The following DCDC1 variants were observed in gnomAD, a reference collection of about 807,000 sequenced individuals.
DCDC1 encodes the protein doublecortin domain containing 1, also known as doublecortin domain-containing protein 1.
In DCDC1, 200 loss-of-function variants were observed where a neutral mutation model predicts 178.3. That is an observed-to-expected ratio of 1.12 (90% CI 1.00 to 1.26). DCDC1 has a LOEUF of 1.26. DCDC1 is among the 50% of genes most tolerant of loss of function. The pLI is 0.00. For missense variants in DCDC1, 1,983 were observed against 1,749.2 expected (o/e 1.13, Z -2.38); for synonymous variants, 690 against 604.8 (o/e 1.14, Z -2.07).
chr11:31,095,722 C>T (rs765973019), intron 15 of DCDC1, among the ~76,000 whole-genome samples: 2 of 152,178 alleles, frequency 1.3e-5, no homozygotes, highest in Non-Finnish European at 2.9e-5. Flanking sequence ...AGGTGTTGTG[C>T]ACCTTCTAGC....
At chr11:31,244,642 T>C (rs1453605853) in intron 8 of DCDC1, among the ~76,000 whole-genome samples, 2 of 151,900 alleles carry the variant, frequency 1.3e-5, no homozygotes, top group African/African-American at 2.4e-5. Context: ...TTCTCTTTTG[T>C]GTATTTTCAT....
At chr11:30,925,449 G>A in intron 22 of DCDC1, 41 bp from the exon 23 acceptor site, 1 of 1,546,392 alleles carries the variant, frequency 6.5e-7, no homozygotes, top group Non-Finnish European at 8.9e-7. Context: ...CATACAGAAA[G>A]CTTCCAGCAG....
chr11:31,079,616 CT>C (rs989880556), intron 17 of DCDC1, among the ~76,000 whole-genome samples: 3 of 151,844 alleles, frequency 2.0e-5, no homozygotes, highest in Non-Finnish European at 2.9e-5. Context: ...ATGCTAACTC[CT>C]GGTAGATAGT....
chr11:31,005,040 T>G (rs1360540857), intron 20 of DCDC1, among the ~76,000 whole-genome samples: 1 of 152,226 alleles, frequency 6.6e-6, no homozygotes, highest in African/African-American at 2.4e-5. Context: ...TGAACTGATA[T>G]GATATTTTAT....
At chr11:31,337,785 C>A (rs1950346671) in intron 1 of DCDC1, among the ~76,000 whole-genome samples, 1 of 152,090 alleles carries the variant, frequency 6.6e-6, no homozygotes, top group Non-Finnish European at 1.5e-5. Context: ...TGTTGAAGCA[C>A]AGAGTCAGGG....
At chr11:30,888,256 G>A (rs943878845) in intron 36 of DCDC1, among the ~76,000 whole-genome samples, 4 of 152,162 alleles carry the variant, frequency 2.6e-5, no homozygotes, top group African/African-American at 9.7e-5. Context: ...TACGCATCTT[G>A]TAAAGCTGTT....
intron 20 of DCDC1, among the ~76,000 whole-genome samples, chr11:31,010,546 C>G (rs937518331): frequency 1.3e-5 from 2 of 152,194 alleles, no homozygotes; most frequent in South Asian, 4.1e-4. Flanking sequence ...TGATATGCAA[C>G]AGAATAACAT....
chr11:30,969,149 C>T (rs865930571), intron 20 of DCDC1, among the ~76,000 whole-genome samples: 5 of 152,264 alleles, frequency 3.3e-5, no homozygotes, highest in Middle Eastern at 6.8e-3. Context: ...AAGATGCTCA[C>T]ACCCTAATTC....
In DCDC1 at chr11:31,209,845, C is replaced by T. The variant is rs528647007; in HGVS notation, c.1221+31605G>A. Among the ~76,000 whole-genome samples, 7 of 152,090 alleles carry T rather than the reference C, an allele frequency of 4.6e-5. No homozygotes were observed. The South Asian group carries it at 1.0e-3, about 23-fold the overall frequency. On this transcript the variant is annotated intron_variant, in intron 9 of 38. Transcript: ENST00000684477. ...GCAAGGATAAAGGAACAAGCATGAA[C>T]GGGAGAGAGGCCAATGCATAGAGAG...
At chr11:31,216,681 C>A (rs1417860237) in intron 9 of DCDC1, among the ~76,000 whole-genome samples, 1 of 152,186 alleles carries the variant, frequency 6.6e-6, no homozygotes, top group South Asian at 2.1e-4. Flanking sequence ...CTCCAGCCAT[C>A]CCAATGCTTA....
rs149836854 is a variant in DCDC1 at position 31,200,716 on chromosome 11, C to G, written c.1221+40734G>C. Among the ~76,000 whole-genome samples, 12 of 151,880 alleles carry G rather than the reference C, an allele frequency of 7.9e-5. No homozygotes were observed. In the East Asian group the frequency reaches 1.5e-3, roughly 20 times the overall value. On this transcript the variant is annotated intron_variant, in intron 9 of 38. Transcript: ENST00000684477. ...TGCCTTAGTAATTATATTTCATGTG[C>G]TATTTCCAGAAATAAGGTAACAAGC...
At chr11:30,988,322 C>G (rs1424326406) in intron 20 of DCDC1, among the ~76,000 whole-genome samples, 1 of 151,852 alleles carries the variant, frequency 6.6e-6, no homozygotes, top group African/African-American at 2.4e-5. Context: ...AATAAATGAA[C>G]AGATTCATCC....
At chr11:31,158,202 A>G (rs1033821333) in intron 9 of DCDC1, among the ~76,000 whole-genome samples, 2 of 151,960 alleles carry the variant, frequency 1.3e-5, no homozygotes, top group South Asian at 2.1e-4. Context: ...TCTGCCTCCC[A>G]GGTTCATGCC....
At position 31,049,345 on chromosome 11, in the gene DCDC1, A is replaced by G. The variant is rs558208877; in HGVS notation, c.2591+15124T>C. 2.6e-5 allele frequency among the ~76,000 whole-genome samples: 4 copies of G among 152,324 alleles called. No individual in the cohort carries two copies. The South Asian group carries it at 8.3e-4, about 32-fold the overall frequency. On this transcript the variant is annotated intron_variant, in intron 20 of 38. Transcript: ENST00000684477. The stretch of plus-strand genomic sequence containing the variant: ...CACGGAAAGATTTTGTAACACTATG[A>G]ACTCATGAATATCATGAGCTTTTTG...
At chr11:30,879,372 G>T (rs1942435401) in intron 37 of DCDC1, among the ~76,000 whole-genome samples, 1 of 152,060 alleles carries the variant, frequency 6.6e-6, no homozygotes, top group African/African-American at 2.4e-5. Flanking sequence ...AAAGCATTCT[G>T]AATATTTAGA....
At chr11:31,261,481 T>A (rs1944780110) in intron 8 of DCDC1, among the ~76,000 whole-genome samples, 1 of 152,120 alleles carries the variant, frequency 6.6e-6, no homozygotes, top group South Asian at 2.1e-4. Context: ...ATGAAAAACA[T>A]TTTTAAAATA....
rs1948551651 is a variant in DCDC1 at position 31,307,773 on chromosome 11, A to T, written c.300T>A (p.His100Gln). 1 of 1,613,928 alleles carries T rather than the reference A, an allele frequency of 6.2e-7. No homozygotes were observed. Among genetic ancestry groups the T allele is most frequent in the South Asian group, 1.1e-5 (1 of 91,078 alleles). Residue 100 changes from histidine (H) to glutamine (Q), a missense_variant, in exon 4 of 39, where the codon CAT becomes CAA. By Grantham distance (24) the His-to-Gln change is conservative. Coordinates refer to ENST00000684477, the MANE Select transcript of DCDC1 (RefSeq NM_001387274.1). The stretch of plus-strand genomic sequence containing the variant: ...CATGGCTGTGATCTGATGCTGTTTG[A>T]TGTGTGGAGCAATCTTGAAGTCCTG... ...EGSGLQDCST[H>Q]QTASDHSHDE...
chr11:31,261,904 G>A (rs142180068), intron 8 of DCDC1, among the ~76,000 whole-genome samples: 1 of 152,162 alleles, frequency 6.6e-6, no homozygotes, highest in East Asian at 1.9e-4. Context: ...CATCTTCTGT[G>A]GTAGAGGTTG....
intron 9 of DCDC1, among the ~76,000 whole-genome samples, chr11:31,220,380 T>G (rs1974119775): frequency 6.6e-6 from 1 of 152,200 alleles, no homozygotes; most frequent in Non-Finnish European, 1.5e-5. Flanking sequence ...AATTACTTTT[T>G]GAATTTCCAA....
Sources: gnomAD v4.1 joint callset for allele counts (sites outside exome capture counted in the v4.1 genomes callset) on GRCh38, gnomAD v4.1.1 for gene constraint, MANE v1.5 for transcripts, NCBI Gene and HGNC (gene_info 2026-07-23, HGNC 2026-07-21) for gene names.